The following PKNOX2 variants were observed in gnomAD, a reference collection of about 807,000 sequenced individuals.
PKNOX2 encodes the protein homeobox protein PKNOX2.
In PKNOX2, 14 loss-of-function variants were observed where a neutral mutation model predicts 53.1. The observed-to-expected ratio is 0.26, with a 90% CI of 0.17 to 0.41. The LOEUF is 0.41. Among genes scored for constraint, PKNOX2 ranks in the 10% least tolerant of loss-of-function variants. The pLI is 1.00. For synonymous variants in PKNOX2, 257 were observed against 242.8 expected (o/e 1.06, Z -0.54); for missense variants, 496 against 602.8 (o/e 0.82, Z 1.85).
chr11:125,269,109 T>G (rs1435997024), intron 2 of PKNOX2, among the ~76,000 whole-genome samples: 5 of 152,232 alleles, frequency 3.3e-5, no homozygotes, highest in African/African-American at 1.2e-4. Context: ...AAATTTTTAA[T>G]CTGAAAAATA....
At chr11:125,206,181 A>G (rs1939079364) in intron 1 of PKNOX2, among the ~76,000 whole-genome samples, 1 of 151,992 alleles carries the variant, frequency 6.6e-6, no homozygotes, top group South Asian at 2.1e-4. Flanking sequence ...CCTACTGTCT[A>G]GTGGGCGGTG....
At chr11:125,241,527 T>A (rs1943144362) in intron 2 of PKNOX2, among the ~76,000 whole-genome samples, 1 of 152,216 alleles carries the variant, frequency 6.6e-6, no homozygotes, top group Non-Finnish European at 1.5e-5. Context: ...CCTTGAATCG[T>A]TCCTGGTCAT....
At position 125,409,362 on chromosome 11, in the gene PKNOX2, G is replaced by C. The variant is rs144097256; in HGVS notation, c.589-834G>C. Reference sequence around the variant, plus strand: ...TGCCTGGGCTAACGCAAAGAAAAGCGGCAAAGGTTCCGTGCTGGTCGGCAG... The same window carrying C: ...TGCCTGGGCTAACGCAAAGAAAAGCCGCAAAGGTTCCGTGCTGGTCGGCAG... On this transcript the variant is annotated intron_variant, in intron 7 of 12. Coordinates refer to ENST00000298282, the MANE Select transcript of PKNOX2 (RefSeq NM_001382323.2). Among the ~76,000 whole-genome samples the C allele has an allele frequency of 9.1e-4, 139 of 152,286 alleles. 1 individual carries two copies. In the East Asian group the frequency reaches 0.023, roughly 25 times the overall value.
At chr11:125,274,920 G>C (rs1946056178) in intron 2 of PKNOX2, among the ~76,000 whole-genome samples, 1 of 152,198 alleles carries the variant, frequency 6.6e-6, no homozygotes, top group South Asian at 2.1e-4. Context: ...CAGTCCCGGG[G>C]TGCAGAGATA....
In PKNOX2 at chr11:125,389,497, G is replaced by A. The variant is rs1338427106; in HGVS notation, c.399+3775G>A. The stretch of plus-strand genomic sequence containing the variant: ...GCAATGCCCCTGGCTGGCTCCCCTG[G>A]GAAAGGCCGGCTTCATCCTTCACTC... On this transcript the variant is annotated intron_variant, in intron 6 of 12. Coordinates refer to ENST00000298282, the MANE Select transcript of PKNOX2 (RefSeq NM_001382323.2). Among the ~76,000 whole-genome samples the A allele has an allele frequency of 8.5e-5, 13 of 152,238 alleles. No individual in the cohort carries two copies. In the East Asian group the frequency reaches 2.5e-3, roughly 29 times the overall value.
intron 10 of PKNOX2, among the ~76,000 whole-genome samples, chr11:125,421,503 C>T (rs1956174733): frequency 6.6e-6 from 1 of 152,182 alleles, no homozygotes; most frequent in Admixed American, 6.5e-5. Flanking sequence ...GGTCCAAGCT[C>T]TAATTTTACT....
intron 5 of PKNOX2, among the ~76,000 whole-genome samples, chr11:125,369,005 T>G (rs1259640888): frequency 6.6e-6 from 1 of 152,230 alleles, no homozygotes; most frequent in African/African-American, 2.4e-5. Flanking sequence ...CAGTAACATG[T>G]GGAATGATTC....
chr11:125,201,595 G>A (rs1938447922), intron 1 of PKNOX2, among the ~76,000 whole-genome samples: 1 of 152,184 alleles, frequency 6.6e-6, no homozygotes, highest in African/African-American at 2.4e-5. Context: ...CGCCACCTGT[G>A]CGGCTGCCAA....
chr11:125,351,212 G>A, intron 3 of PKNOX2, 72 bp from the exon 4 acceptor site: 1 of 751,636 alleles, frequency 1.3e-6, no homozygotes, highest in South Asian at 1.5e-5. Context: ...GGGGACACAG[G>A]GAGCTGCTGG....
chr11:125,215,756 TAAAC>T (rs1405253808), intron 1 of PKNOX2, among the ~76,000 whole-genome samples: 1 of 151,782 alleles, frequency 6.6e-6, no homozygotes, highest in Non-Finnish European at 1.5e-5. Flanking sequence ...TGTCTCAAAA[TAAAC>T]TAACTAACTA....
At chr11:125,206,397 C>T (rs990362394) in intron 1 of PKNOX2, among the ~76,000 whole-genome samples, 3 of 152,030 alleles carry the variant, frequency 2.0e-5, no homozygotes, top group African/African-American at 7.2e-5. Context: ...TGCGTGGAGG[C>T]ATGAACCAGC....
chr11:125,243,450 ACTCCATGT>A (rs1216820688), intron 2 of PKNOX2, among the ~76,000 whole-genome samples: 1 of 151,822 alleles, frequency 6.6e-6, no homozygotes, highest in Non-Finnish European at 1.5e-5. Context: ...CATTGTCTGG[ACTCCATGT>A]CTCGTTATCT....
intron 4 of PKNOX2, among the ~76,000 whole-genome samples, chr11:125,358,661 C>T (rs900633348): frequency 6.6e-6 from 1 of 152,258 alleles, no homozygotes; most frequent in Non-Finnish European, 1.5e-5. Flanking sequence ...TTCCAAGAGC[C>T]TCTTTGAGCT....
At chr11:125,425,995 C>A (rs1565523752) in intron 10 of PKNOX2, among the ~76,000 whole-genome samples, 1 of 152,240 alleles carries the variant, frequency 6.6e-6, no homozygotes. Flanking sequence ...CATAAGAGAG[C>A]AACCAGCCAG....
intron 10 of PKNOX2, 151 bp downstream of exon 10, chr11:125,412,016 C>A: frequency 7.6e-7 from 1 of 1,310,332 alleles, no homozygotes; most frequent in Non-Finnish European, 1.1e-6. Flanking sequence ...ATCTGGAGTC[C>A]AGGCCAGGGG....
chr11:125,222,644 CGTATGTGTGTGCTGT>C (rs1240113067), intron 1 of PKNOX2, among the ~76,000 whole-genome samples: 6 of 129,764 alleles, frequency 4.6e-5, no homozygotes, highest in African/African-American at 9.0e-5. Flanking sequence ...TATGTGTGTG[CGTATGTGTGTGCTGT>C]GTATGTGTGT....
At chr11:125,318,116 AT>A (rs1949313939) in intron 2 of PKNOX2, among the ~76,000 whole-genome samples, 1 of 151,512 alleles carries the variant, frequency 6.6e-6, no homozygotes, top group South Asian at 2.1e-4. Context: ...TTATTTTTTA[AT>A]TTTTTTGGAG....
intron 1 of PKNOX2, among the ~76,000 whole-genome samples, chr11:125,224,437 C>T (rs1256506404): frequency 1.3e-5 from 2 of 152,240 alleles, no homozygotes; most frequent in Non-Finnish European, 2.9e-5. Context: ...GATGGCCGTG[C>T]AGTCAGGGTG....
intron 2 of PKNOX2, among the ~76,000 whole-genome samples, chr11:125,292,482 C>T (rs1947365650): frequency 6.6e-6 from 1 of 152,060 alleles, no homozygotes; most frequent in South Asian, 2.1e-4. Context: ...CTATCTGGTC[C>T]AGGTTCGGGG....
Sources: allele counts gnomAD v4.1 joint callset (sites outside exome capture counted in the v4.1 genomes callset), GRCh38; gene constraint gnomAD v4.1.1; transcripts MANE v1.5; gene names NCBI Gene and HGNC (gene_info 2026-07-23, HGNC 2026-07-21).